Variants in LRCH3 observed in about 807,000 individuals in gnomAD.
LRCH3 encodes DISP complex protein LRCH3.
In LRCH3, 68 loss-of-function variants were observed where a neutral mutation model predicts 104.5. That is an observed-to-expected ratio of 0.65 (90% CI 0.54 to 0.80). The LOEUF is 0.80. LRCH3 is among the 30% of genes least tolerant of loss of function. The pLI, the probability that LRCH3 is intolerant of heterozygous loss-of-function variation, is 0.00. For missense variants in LRCH3, 951 were observed against 953.9 expected (o/e 1.00, Z 0.04); for synonymous variants, 344 against 361.3 (o/e 0.95, Z 0.54).
At chr3:197,845,406 C>CA (rs370414681) in intron 10 of LRCH3, among the ~76,000 whole-genome samples, 23,098 of 85,444 alleles carry the variant, frequency 0.27, 2,382 homozygotes, top group African/African-American at 0.38. Context: ...GAGACTCTGT[C>CA]AAAAAAAAAA....
At chr3:197,797,930 T>TA (rs1187983765) in intron 1 of LRCH3, among the ~76,000 whole-genome samples, 5 of 143,604 alleles carry the variant, frequency 3.5e-5, no homozygotes, top group African/African-American at 1.3e-4. Context: ...GAAGGAACCA[T>TA]AGTGACCTTC....
intron 15 of LRCH3, among the ~76,000 whole-genome samples, chr3:197,860,035 G>A (rs1705503464): frequency 6.6e-6 from 1 of 152,086 alleles, no homozygotes; most frequent in South Asian, 2.1e-4. Context: ...GTATCCACTG[G>A]AATTCTCAAA....
chr3:197,870,085 TG>T, intron 17 of LRCH3, 74 bp from the exon 18 acceptor site: 1 of 1,488,226 alleles, frequency 6.7e-7, no homozygotes, highest in Non-Finnish European at 9.2e-7. Flanking sequence ...GCAGGGAAAC[TG>T]TGATGAGGCA....
chr3:197,833,537 C>G (rs1295298534), intron 8 of LRCH3, among the ~76,000 whole-genome samples: 1 of 150,752 alleles, frequency 6.6e-6, no homozygotes, highest in Non-Finnish European at 1.5e-5. Flanking sequence ...GACTGTATCT[C>G]GAAAAAAAAT....
intron 1 of LRCH3, 95 bp downstream of exon 1, chr3:197,791,635 C>G (rs979736078): frequency 1.5e-6 from 2 of 1,367,204 alleles, no homozygotes; most frequent in Admixed American, 3.3e-5. Flanking sequence ...TACAGCAGCT[C>G]GTCCCGTAGG....
intron 1 of LRCH3, among the ~76,000 whole-genome samples, chr3:197,795,501 A>G (rs1308692936): frequency 6.6e-6 from 1 of 152,052 alleles, no homozygotes; most frequent in Non-Finnish European, 1.5e-5. Context: ...GGTTGCTGAG[A>G]CAATAGGATG....
intron 1 of LRCH3, among the ~76,000 whole-genome samples, chr3:197,793,088 A>G (rs920967718): frequency 1.3e-5 from 2 of 152,238 alleles, no homozygotes; most frequent in Non-Finnish European, 2.9e-5. Context: ...TGCGGCTGGC[A>G]GTACTTGGTG....
intron 1 of LRCH3, among the ~76,000 whole-genome samples, chr3:197,811,005 G>A (rs1733059830): frequency 6.6e-6 from 1 of 152,102 alleles, no homozygotes. Flanking sequence ...TCATGGGAAT[G>A]GTAAGGTGGT....
At chr3:197,821,568 G>T (rs1435494930) in intron 4 of LRCH3, among the ~76,000 whole-genome samples, 1 of 152,184 alleles carries the variant, frequency 6.6e-6, no homozygotes, top group African/African-American at 2.4e-5. Context: ...ATCAAATACA[G>T]AAATTTATTG....
chr3:197,846,702 A>G (rs1738782633), intron 10 of LRCH3, among the ~76,000 whole-genome samples: 1 of 152,164 alleles, frequency 6.6e-6, no homozygotes, highest in Admixed American at 6.5e-5. Flanking sequence ...GCTAATCATC[A>G]TAGTTTTGGA....
At chr3:197,850,881 T>C (rs1739497973) in intron 12 of LRCH3, 3 of 903,876 alleles carry the variant, frequency 3.3e-6, no homozygotes, top group Non-Finnish European at 5.6e-6. Flanking sequence ...GTTCTTAAAG[T>C]GAACACGAAG....
intron 1 of LRCH3, among the ~76,000 whole-genome samples, chr3:197,812,759 G>C (rs1733329236): frequency 6.6e-6 from 1 of 151,790 alleles, no homozygotes; most frequent in African/African-American, 2.4e-5. Context: ...ACGGGGTTTC[G>C]CCATGTTGGC....
intron 20 of LRCH3, among the ~76,000 whole-genome samples, chr3:197,880,213 G>C (rs1442861381): frequency 1.3e-5 from 2 of 152,062 alleles, no homozygotes; most frequent in Admixed American, 6.5e-5. Flanking sequence ...CCAAAGTGCT[G>C]GGATTACAGG....
chr3:197,884,661 G>A lies in LRCH3; in HGVS notation c.*995G>A, dbSNP rs1468320451. ...GCTAGATATTTGTATGTTTGCGGGGGAGGGTAATGGCCCCCTGCATTTTTC... is the reference window on the plus strand; with the variant it reads ...GCTAGATATTTGTATGTTTGCGGGGAAGGGTAATGGCCCCCTGCATTTTTC... On this transcript the variant is annotated 3_prime_UTR_variant, in exon 21 of 21. Transcript: ENST00000425562. 6.6e-6 allele frequency: 1 copy of A among 152,300 alleles called. No homozygotes were observed. Among genetic ancestry groups the A allele is most frequent in the East Asian group, 1.9e-4 (1 of 5,206 alleles). The allele number at this position is 152,300 out of a possible 1,614,324, so 9.4% of individuals were successfully genotyped here.
chr3:197,801,819 A>C (rs952350060), intron 1 of LRCH3, among the ~76,000 whole-genome samples: 2 of 152,220 alleles, frequency 1.3e-5, no homozygotes, highest in Non-Finnish European at 1.5e-5. Flanking sequence ...GCTGAACTCA[A>C]GGTTTCACAA....
In LRCH3 at chr3:197,826,964, C is replaced by G; in HGVS notation, c.727C>G (p.Leu243Val). 1 of 1,613,984 alleles carries G rather than the reference C, an allele frequency of 6.2e-7. No homozygotes were observed. Among genetic ancestry groups the G allele is most frequent in the Non-Finnish European group, 8.5e-7 (1 of 1,180,014 alleles). Residue 243 changes from leucine (L) to valine (V), a missense_variant, in exon 5 of 21, where the codon CTA becomes GTA. Coordinates refer to ENST00000425562, the MANE Select transcript of LRCH3 (RefSeq NM_001365715.1). ...TGTTTGTTATCGGAACCTCAGGCACCTACAGACGATCACCCTAGATAACAA... is the reference window on the plus strand; with the variant it reads ...TGTTTGTTATCGGAACCTCAGGCACGTACAGACGATCACCCTAGATAACAA... ...IPVCYRNLRH[L>V]QTITLDNNPL...
intron 9 of LRCH3, among the ~76,000 whole-genome samples, chr3:197,838,091 G>C (rs932022323): frequency 1.3e-5 from 2 of 151,812 alleles, no homozygotes; most frequent in African/African-American, 4.8e-5. Flanking sequence ...GTAAGCCACT[G>C]GTACAGCGTC....
intron 19 of LRCH3, among the ~76,000 whole-genome samples, chr3:197,872,874 A>G (rs1580892002): frequency 6.6e-6 from 1 of 152,146 alleles, no homozygotes; most frequent in African/African-American, 2.4e-5. Flanking sequence ...AAAAAGGGAA[A>G]AGAAAAGAAA....
rs1458782196 is a variant in LRCH3, at chr3:197,856,544, C to T, written c.1644+2099C>T. Among the ~76,000 whole-genome samples, 1 of 151,882 alleles carries T rather than the reference C, an allele frequency of 6.6e-6. No individual in the cohort carries two copies. The highest frequency in any genetic ancestry group is 1.5e-5 in the Non-Finnish European group (1 of 67,956). On this transcript the variant is annotated intron_variant, in intron 14 of 20. Coordinates refer to ENST00000425562, the MANE Select transcript of LRCH3 (RefSeq NM_001365715.1). The surrounding 1 kb of genome is among the most constrained non-coding windows in gnomAD (Gnocchi z 4.2). ...TGGGACTACGGGTGCATGCACCACA[C>T]GTGGCTAATTTTTTTATTTTTTTGT...
Sources: allele counts gnomAD v4.1 joint callset (sites outside exome capture counted in the v4.1 genomes callset), GRCh38; gene constraint gnomAD v4.1.1; non-coding constraint Gnocchi (gnomAD v3.1); transcripts MANE v1.5; gene names NCBI Gene and HGNC (gene_info 2026-07-23, HGNC 2026-07-21).